Variants in SLC35F4 observed in about 807,000 individuals in gnomAD.
SLC35F4 encodes the protein chromosome 14 open reading frame 36.
Under a neutral mutation model 44.2 loss-of-function variants are expected in SLC35F4, and 24 were observed. The ratio of observed to expected loss-of-function variants is 0.54; its 90% CI spans 0.39 to 0.76. The LOEUF (loss-of-function observed/expected upper bound fraction) is 0.76. Ranked by LOEUF, SLC35F4 falls within the 30% of genes least tolerant of loss-of-function variation. The pLI is 0.00. For synonymous variants in SLC35F4, 238 were observed against 223.6 expected, an observed-to-expected ratio of 1.06 and a Z score of -0.57; for missense variants, 562 against 586.1, an observed-to-expected ratio of 0.96 and a Z score of 0.42.
intron 3 of SLC35F4, among the ~76,000 whole-genome samples, chr14:57,585,899 C>A (rs2069680507): frequency 6.6e-6 from 1 of 152,140 alleles, no homozygotes; most frequent in African/African-American, 2.4e-5. Context: ...GGCCATACTG[C>A]CCAAAGTAAT....
At chr14:57,567,915 G>T (rs1468435110) in intron 6 of SLC35F4, among the ~76,000 whole-genome samples, 2 of 152,192 alleles carry the variant, frequency 1.3e-5, no homozygotes, top group African/African-American at 4.8e-5. Flanking sequence ...AAGCAAACAA[G>T]AAACCATAGC....
Position 57,689,833 on chromosome 14 carries a change from A to G in SLC35F4, c.104-95709T>C, listed in dbSNP as rs548710013. 4.1e-3 allele frequency among the ~76,000 whole-genome samples: 631 copies of G among 152,244 alleles called. 7 individuals are homozygous for G. The highest frequency in any genetic ancestry group is 0.014 in the African/African-American group (587 of 41,546). ...GCACACCAATATGGCACACGTATACATATGTAACAAACCTGCACGTTGTGC... is the reference window on the plus strand; with the variant it reads ...GCACACCAATATGGCACACGTATACGTATGTAACAAACCTGCACGTTGTGC... On this transcript the variant is annotated intron_variant, in intron 1 of 7. Transcript: ENST00000556826.
chr14:57,796,076 A>G (rs542748899), intron 1 of SLC35F4, among the ~76,000 whole-genome samples: 321 of 152,262 alleles, frequency 2.1e-3, no homozygotes, highest in South Asian at 5.0e-3. Flanking sequence ...CATTAATTCA[A>G]TTAGGATAAT....
chr14:57,866,137 T>C (rs1888145865), upstream of SLC35F4: 1 of 179,216 alleles, frequency 5.6e-6, no homozygotes, highest in Non-Finnish European at 1.2e-5. Flanking sequence ...GGGGCGGGTG[T>C]GGGCGCCCCA....
chr14:57,740,890 T>C (rs1437229563), intron 1 of SLC35F4, among the ~76,000 whole-genome samples: 1 of 152,226 alleles, frequency 6.6e-6, no homozygotes, highest in Non-Finnish European at 1.5e-5. Context: ...AGGGGCCGAC[T>C]GACACCTCAC....
chr14:57,699,537 G>A (rs1027362548), intron 1 of SLC35F4, among the ~76,000 whole-genome samples: 1 of 152,144 alleles, frequency 6.6e-6, no homozygotes, highest in African/African-American at 2.4e-5. Context: ...ATTAAGCCAG[G>A]CCTCAAAGGT....
chr14:57,625,761 A>T (rs1263624752), intron 1 of SLC35F4, among the ~76,000 whole-genome samples: 1 of 152,220 alleles, frequency 6.6e-6, no homozygotes, highest in Non-Finnish European at 1.5e-5. Context: ...CAGAAAACTG[A>T]AACTGGATCC....
chr14:57,935,459 A>AAGCT (rs2099804989), intron 1 of SLC35F4, among the ~76,000 whole-genome samples: 5 of 152,236 alleles, frequency 3.3e-5, no homozygotes, highest in African/African-American at 9.6e-5. Flanking sequence ...CTGTAGAGAG[A>AAGCT]AGCTCACTGG....
chr14:57,926,453 C>T (rs1418016030), intron 1 of SLC35F4, among the ~76,000 whole-genome samples: 3 of 152,150 alleles, frequency 2.0e-5, no homozygotes, highest in Admixed American at 2.0e-4. Context: ...TTCCCACTTC[C>T]AACTGGTGCT....
chr14:57,698,643 T>C (rs1199805595), intron 1 of SLC35F4, among the ~76,000 whole-genome samples: 1 of 44,774 alleles, frequency 2.2e-5, no homozygotes, highest in African/African-American at 1.1e-4. Flanking sequence ...AACATGTCAC[T>C]TTTTTTTTTT....
intron 1 of SLC35F4, among the ~76,000 whole-genome samples, chr14:57,893,806 T>A (rs1888820166): frequency 6.6e-6 from 1 of 151,160 alleles, no homozygotes; most frequent in Non-Finnish European, 1.5e-5. Flanking sequence ...AGGACCCTTC[T>A]CTCCATGGCA....
chr14:57,594,754 T>C (rs1303877930), intron 1 of SLC35F4, among the ~76,000 whole-genome samples: 1 of 152,228 alleles, frequency 6.6e-6, no homozygotes. Flanking sequence ...AAACTGACTA[T>C]ACACTTTTCC....
chr14:57,937,651 A>AAAAG (rs1889839134), intron 1 of SLC35F4, among the ~76,000 whole-genome samples: 1 of 133,464 alleles, frequency 7.5e-6, no homozygotes. Flanking sequence ...AAAAGAAAAG[A>AAAAG]AAAAAGAAAA....
At chr14:57,817,830 T>A (rs1882772899) in intron 1 of SLC35F4, among the ~76,000 whole-genome samples, 2 of 152,040 alleles carry the variant, frequency 1.3e-5, no homozygotes, top group African/African-American at 4.8e-5. Flanking sequence ...AGCAGAGTAT[T>A]GAGGTAGGAG....
At chr14:57,754,915 T>C (rs1356962499) in intron 1 of SLC35F4, among the ~76,000 whole-genome samples, 1 of 152,182 alleles carries the variant, frequency 6.6e-6, no homozygotes, top group Non-Finnish European at 1.5e-5. Context: ...TAAGATAGGT[T>C]TGGAGGAGCC....
intron 1 of SLC35F4, among the ~76,000 whole-genome samples, chr14:57,960,211 T>C (rs1890313764): frequency 6.6e-6 from 1 of 152,226 alleles, no homozygotes; most frequent in Non-Finnish European, 1.5e-5. Context: ...TAATATCTGC[T>C]CAGAAGATCC....
At position 57,571,944 on chromosome 14, in the gene SLC35F4, T is replaced by C; in HGVS notation, c.883A>G (p.Ile295Val). Residue 295 changes from isoleucine to valine, a missense_variant, in exon 5 of 8, where the codon ATA becomes GTA. Coordinates refer to ENST00000556826, the MANE Select transcript of SLC35F4 (RefSeq NM_001306087.2). ...GAGCCCACCGCAAATGCCACTCCTA[T>C]GATGGAATCAGCGTGGAAATTATCT... ...YADNFHADSIIGVAFAVGSAS... is the reference protein window; with the variant it reads ...YADNFHADSIVGVAFAVGSAS... 6.2e-7 allele frequency: 1 copy of C among 1,612,770 alleles called. No individual in the cohort carries two copies. The highest frequency in any genetic ancestry group is 8.5e-7 in the Non-Finnish European group (1 of 1,179,336).
intron 1 of SLC35F4, among the ~76,000 whole-genome samples, chr14:57,895,610 C>G (rs138911136): frequency 9.1e-4 from 139 of 152,120 alleles, no homozygotes; most frequent in African/African-American, 3.3e-3. Context: ...CTCTGTCTCT[C>G]TCTGTCTGTC....
At chr14:57,652,103 T>C (rs2073804786) in intron 1 of SLC35F4, among the ~76,000 whole-genome samples, 1 of 152,218 alleles carries the variant, frequency 6.6e-6, no homozygotes, top group Admixed American at 6.5e-5. Flanking sequence ...TCTCAGCCTG[T>C]AACATGAATT....
Sources: gnomAD v4.1 joint callset for allele counts (sites outside exome capture counted in the v4.1 genomes callset) on GRCh38, gnomAD v4.1.1 for gene constraint, MANE v1.5 for transcripts, NCBI Gene and HGNC (gene_info 2026-07-23, HGNC 2026-07-21) for gene names.